STK31: variants seen among roughly 807,000 people sequenced by gnomAD.
STK31 encodes the protein serine/threonine-protein kinase 31.
A neutral mutation model predicts 129.7 loss-of-function variants in STK31; 89 were observed. That is an observed-to-expected ratio of 0.69 (90% CI 0.58 to 0.82). The LOEUF (loss-of-function observed/expected upper bound fraction) is 0.82. STK31 is among the 40% of genes least tolerant of loss of function. STK31 has a pLI of 0.00. For synonymous variants in STK31, 448 were observed against 395.3 expected (o/e 1.13, Z -1.58); for missense variants, 1,187 against 1,176.4 (o/e 1.01, Z -0.13).
chr7:23,801,365 T>G (rs1294476359), intron 22 of STK31, among the ~76,000 whole-genome samples: 1 of 152,156 alleles, frequency 6.6e-6, no homozygotes, highest in Non-Finnish European at 1.5e-5. Flanking sequence ...GAAGTGTCTG[T>G]CTTTTGCCTG....
At chr7:23,759,279 C>A (rs1789304318) in intron 10 of STK31, among the ~76,000 whole-genome samples, 1 of 152,154 alleles carries the variant, frequency 6.6e-6, no homozygotes, top group Admixed American at 6.5e-5. Flanking sequence ...ATCAAGTGGA[C>A]CTGATAGACG....
intron 3 of STK31, 41 bp from the exon 4 acceptor site, chr7:23,717,440 T>C (rs1185592150): frequency 2.1e-6 from 3 of 1,419,306 alleles, no homozygotes; most frequent in Non-Finnish European, 2.9e-6. Context: ...CACTGTAAAA[T>C]AATATTTTAC....
chr7:23,760,148 C>T (rs1789372392), intron 10 of STK31, among the ~76,000 whole-genome samples: 1 of 152,134 alleles, frequency 6.6e-6, no homozygotes, highest in Admixed American at 6.5e-5. Context: ...TTGTATTGGG[C>T]TGAACAGAAC....
chr7:23,775,018 A>T (rs368038578), intron 15 of STK31, among the ~76,000 whole-genome samples: 7 of 152,166 alleles, frequency 4.6e-5, no homozygotes, highest in Non-Finnish European at 8.8e-5. Context: ...TCCCAACACC[A>T]TTTATTAAGT....
At chr7:23,772,365 T>C (rs1790255010) in intron 15 of STK31, 87 bp downstream of exon 15, 3 of 1,336,062 alleles carry the variant, frequency 2.2e-6, no homozygotes, top group South Asian at 2.9e-5. Context: ...ATAAATACAC[T>C]CTTTACAATA....
chr7:23,779,494 G>A (rs895749970), intron 15 of STK31, among the ~76,000 whole-genome samples: 16 of 152,326 alleles, frequency 1.1e-4, no homozygotes, highest in Non-Finnish European at 7.4e-5. Context: ...TTATCTATAA[G>A]CCCCTGACTG....
intron 3 of STK31, among the ~76,000 whole-genome samples, chr7:23,713,252 TTATG>T (rs1186060877): frequency 6.6e-6 from 1 of 152,146 alleles, no homozygotes; most frequent in African/African-American, 2.4e-5. Context: ...TATTAAGTCT[TTATG>T]TATCTAAACA....
At chr7:23,788,209 A>G (rs1791415311) in intron 21 of STK31, 80 bp downstream of exon 21, 4 of 1,176,798 alleles carry the variant, frequency 3.4e-6, no homozygotes, top group African/African-American at 1.6e-5. Flanking sequence ...TATATATAAT[A>G]TAATACTTTA....
chr7:23,734,624 G>T (rs1007729318), intron 6 of STK31, among the ~76,000 whole-genome samples: 1 of 152,154 alleles, frequency 6.6e-6, no homozygotes, highest in African/African-American at 2.4e-5. Context: ...TCATATGCCA[G>T]TTGTACAGTT....
intron 22 of STK31, among the ~76,000 whole-genome samples, chr7:23,802,228 C>T (rs1792419555): frequency 6.6e-6 from 1 of 152,118 alleles, no homozygotes; most frequent in South Asian, 2.1e-4. Context: ...TTTGGTGTGG[C>T]CGCATTCCAG....
rs189939210 is a variant in STK31, at chr7:23,770,648, T to A, written c.1714-357T>A. Among the ~76,000 whole-genome samples, 190 of 152,278 alleles carry A rather than the reference T, an allele frequency of 1.2e-3. 3 individuals carry two copies. The highest frequency in any genetic ancestry group is 4.7e-4 in the Non-Finnish European group (32 of 68,022). ...TTTTTTTAGAGAGACAGTGTCTTGC[T>A]CTGTCGCCCAGGCTGGAGTGCATTG... On this transcript the variant is annotated intron_variant, in intron 13 of 23. Coordinates refer to ENST00000355870, the MANE Select transcript of STK31 (RefSeq NM_031414.5).
In STK31 at chr7:23,786,543, G is replaced by C. The variant is rs1407644841; in HGVS notation, c.2310G>C (p.Val770=). ...TGGATGTTGACACAGAAGCCAAGGT[G>C]ATTGAGAGAGCAGCCACCTACCATA... is the stretch of plus-strand genomic sequence containing the variant. ...YSVDVDTEAK[V]IERAATYHRA... is the part of the protein sequence containing the mutation. Residue 770 remains valine, a synonymous_variant, in exon 19 of 24, where the codon GTG becomes GTC. Coordinates refer to ENST00000355870, the MANE Select transcript of STK31 (RefSeq NM_031414.5). The C allele has an allele frequency of 6.2e-7, 1 of 1,613,736 alleles. No homozygotes were observed. Among genetic ancestry groups the C allele is most frequent in the South Asian group, 1.1e-5 (1 of 91,040 alleles).
chr7:23,737,690 C>T (rs1328456851), intron 8 of STK31, among the ~76,000 whole-genome samples: 5 of 152,206 alleles, frequency 3.3e-5, no homozygotes, highest in African/African-American at 1.2e-4. Flanking sequence ...TAGGCACATA[C>T]ATTGCATTTT....
chr7:23,764,894 A>G (rs1371741337), intron 11 of STK31, among the ~76,000 whole-genome samples: 1 of 152,092 alleles, frequency 6.6e-6, no homozygotes, highest in Non-Finnish European at 1.5e-5. Context: ...TAAAAGTCAA[A>G]AATAATAATA....
In STK31 at chr7:23,710,295, C is replaced by T. The variant is rs768447339; in HGVS notation, c.10C>T (p.Gln4Ter). 1.1e-5 allele frequency: 17 copies of T among 1,612,840 alleles called. No homozygotes were observed. Among genetic ancestry groups the T allele is most frequent in the Non-Finnish European group, 1.4e-5 (16 of 1,179,934 alleles). The change falls in exon 1 of 24, where the codon CAG (glutamine) becomes TAG (stop). Residue 4 changes from glutamine to a stop codon, truncating the protein, a stop_gained. Coordinates refer to ENST00000355870, the MANE Select transcript of STK31 (RefSeq NM_031414.5). LOFTEE classifies it high-confidence loss of function. ...GGGCCGAAAGTCCAGTATGTGGGTCCAGGGTCACTCTTCTAGAGCTTCCGC... is the reference window on the plus strand; with the variant it reads ...GGGCCGAAAGTCCAGTATGTGGGTCTAGGGTCACTCTTCTAGAGCTTCCGC... MWV[Q>*]GHSSRASATE...
chr7:23,729,055 G>T, intron 5 of STK31, 36 bp from the exon 6 acceptor site: 1 of 1,515,278 alleles, frequency 6.6e-7, no homozygotes, highest in Non-Finnish European at 8.8e-7. Flanking sequence ...ATTTAATCTG[G>T]GGTCAGTATT....
chr7:23,771,073 A>T lies in STK31; in HGVS notation c.1782A>T (p.Ser594=). 3 of 1,613,132 alleles carry T rather than the reference A, an allele frequency of 1.9e-6. No homozygotes were observed. The highest frequency in any genetic ancestry group is 2.5e-6 in the Non-Finnish European group (3 of 1,179,464). Residue 594 remains serine, a synonymous_variant, in exon 14 of 24, where the codon TCA becomes TCT. Transcript: ENST00000355870. ...GTCAAGTACTGCAAAAGATTCATTCAGAGGAAAGGCTCATTGCCACAGTAC... is the reference window on the plus strand; with the variant it reads ...GTCAAGTACTGCAAAAGATTCATTCTGAGGAAAGGCTCATTGCCACAGTAC... ...TYSQVLQKIH[S]EERLIATVQA...
intron 4 of STK31, chr7:23,722,220 T>G (rs1282637531): frequency 6.6e-6 from 1 of 152,618 alleles, no homozygotes; most frequent in African/African-American, 2.4e-5. Flanking sequence ...TTATCTACTT[T>G]TTGTCTTTGA....
chr7:23,735,068 C>T (rs897520026), intron 6 of STK31, among the ~76,000 whole-genome samples: 2 of 152,136 alleles, frequency 1.3e-5, no homozygotes, highest in Non-Finnish European at 2.9e-5. Context: ...TTTGTGCTTT[C>T]GGTTTGTGGC....
Sources: allele counts gnomAD v4.1 joint callset (sites outside exome capture counted in the v4.1 genomes callset), GRCh38; gene constraint gnomAD v4.1.1; transcripts MANE v1.5; gene names NCBI Gene and HGNC (gene_info 2026-07-23, HGNC 2026-07-21).